Variants in RIT2 observed in about 807,000 individuals in gnomAD.
RIT2 encodes Ras like without CAAX 2.
A neutral mutation model predicts 23.7 loss-of-function variants in RIT2; 24 were observed. The observed-to-expected ratio is 1.01, with a 90% CI of 0.73 to 1.43. The LOEUF (loss-of-function observed/expected upper bound fraction) is 1.43. Ranked by LOEUF, RIT2 falls within the 40% of genes most tolerant of loss-of-function variation. The probability of loss-of-function intolerance (pLI) is 0.00; values close to 1 mark genes in which losing one functional copy is unlikely to be tolerated. For synonymous variants in RIT2, 107 were observed against 91.1 expected (o/e 1.17, Z -0.99); for missense variants, 236 against 266.9 (o/e 0.88, Z 0.81).
chr18:42,779,721 A>G (rs1159015129), intron 4 of RIT2, among the ~76,000 whole-genome samples: 3 of 152,204 alleles, frequency 2.0e-5, no homozygotes, highest in Non-Finnish European at 4.4e-5. Flanking sequence ...GAAAAAGTCA[A>G]GAGAATAGAG....
At chr18:42,846,945 T>C (rs1371615164) in intron 4 of RIT2, among the ~76,000 whole-genome samples, 3 of 152,160 alleles carry the variant, frequency 2.0e-5, no homozygotes, top group Non-Finnish European at 4.4e-5. Context: ...AACTGGAGTA[T>C]AATTTCACGG....
At chr18:43,044,122 G>A (rs566904884) in intron 1 of RIT2, among the ~76,000 whole-genome samples, 4 of 152,262 alleles carry the variant, frequency 2.6e-5, no homozygotes, top group African/African-American at 9.6e-5. Context: ...CAAGGTAAAA[G>A]GGAGGTACTA....
At chr18:42,845,655 T>C (rs1416374543) in intron 4 of RIT2, among the ~76,000 whole-genome samples, 1 of 149,534 alleles carries the variant, frequency 6.7e-6, no homozygotes, top group African/African-American at 2.4e-5. Flanking sequence ...AATAGAAATA[T>C]TACATAAATA....
chr18:42,965,425 G>A (rs537218305), intron 3 of RIT2, among the ~76,000 whole-genome samples: 14 of 152,162 alleles, frequency 9.2e-5, no homozygotes, highest in Non-Finnish European at 1.9e-4. Context: ...TGATACAACT[G>A]TACCGTAGTT....
At chr18:42,821,582 G>A (rs1267777195) in intron 4 of RIT2, among the ~76,000 whole-genome samples, 1 of 152,070 alleles carries the variant, frequency 6.6e-6, no homozygotes, top group Non-Finnish European at 1.5e-5. Flanking sequence ...CATCTAGTGA[G>A]TAGAAGGCAC....
intron 1 of RIT2, among the ~76,000 whole-genome samples, chr18:43,051,754 T>C (rs1912389451): frequency 6.6e-6 from 1 of 152,158 alleles, no homozygotes; most frequent in African/African-American, 2.4e-5. Flanking sequence ...GCTCATTAAC[T>C]CAGGAGGGAT....
intron 1 of RIT2, among the ~76,000 whole-genome samples, chr18:43,084,466 C>T (rs1321456926): frequency 6.6e-6 from 1 of 152,114 alleles, no homozygotes; most frequent in African/African-American, 2.4e-5. Context: ...TTTACAGTAG[C>T]AATGACTTGG....
chr18:42,980,303 G>A (rs1158592650), intron 2 of RIT2, among the ~76,000 whole-genome samples: 1 of 152,078 alleles, frequency 6.6e-6, no homozygotes, highest in Non-Finnish European at 1.5e-5. Flanking sequence ...CTGTAATATT[G>A]AGAATTCAGT....
chr18:42,759,725 A>G (rs1913253685), intron 4 of RIT2, among the ~76,000 whole-genome samples: 1 of 105,946 alleles, frequency 9.4e-6, no homozygotes, highest in South Asian at 3.5e-4. Flanking sequence ...ACACACACAC[A>G]CACACACACA....
chr18:42,968,414 T>C (rs1002272100), intron 3 of RIT2, among the ~76,000 whole-genome samples: 3 of 152,142 alleles, frequency 2.0e-5, no homozygotes, highest in Non-Finnish European at 4.4e-5. Context: ...TTTGCAGTAA[T>C]GTTAATAATA....
intron 1 of RIT2, among the ~76,000 whole-genome samples, chr18:43,097,638 C>T (rs1386545166): frequency 6.6e-6 from 1 of 151,870 alleles, no homozygotes; most frequent in Non-Finnish European, 1.5e-5. Context: ...TATAAGAAAA[C>T]AATAACTCCC....
chr18:43,083,996 T>A (rs1568077203), intron 1 of RIT2, among the ~76,000 whole-genome samples: 1 of 151,962 alleles, frequency 6.6e-6, no homozygotes, highest in Non-Finnish European at 1.5e-5. Flanking sequence ...CTGACAAAGA[T>A]CTAATATCCA....
intron 4 of RIT2, among the ~76,000 whole-genome samples, chr18:42,892,935 A>G (rs754962447): frequency 2.0e-5 from 3 of 152,048 alleles, no homozygotes; most frequent in Admixed American, 2.0e-4. Context: ...TATTACCTCA[A>G]CCTCTATCCA....
At chr18:43,077,705 T>TA in intron 1 of RIT2, among the ~76,000 whole-genome samples, 1 of 152,310 alleles carries the variant, frequency 6.6e-6, no homozygotes, top group Non-Finnish European at 1.5e-5. Context: ...GCCCATCACT[T>TA]ACCTGACAGC....
chr18:42,784,944 T>C (rs187902406), intron 4 of RIT2, among the ~76,000 whole-genome samples: 7 of 152,216 alleles, frequency 4.6e-5, no homozygotes, highest in African/African-American at 1.7e-4. Flanking sequence ...ACAAGTTCCA[T>C]ATAAAAAGAT....
intron 4 of RIT2, among the ~76,000 whole-genome samples, chr18:42,792,707 A>T (rs1297838385): frequency 6.6e-6 from 1 of 151,992 alleles, no homozygotes; most frequent in Non-Finnish European, 1.5e-5. Flanking sequence ...GTCAAGCAAG[A>T]CCCCATTTCT....
At chr18:42,891,260 A>G (rs1260386918) in intron 4 of RIT2, among the ~76,000 whole-genome samples, 3 of 152,168 alleles carry the variant, frequency 2.0e-5, no homozygotes, top group South Asian at 4.1e-4. Flanking sequence ...AAAAATAGCA[A>G]CTTGAAGGTA....
At chr18:42,918,316 T>C (rs1908965595) in intron 4 of RIT2, among the ~76,000 whole-genome samples, 1 of 152,168 alleles carries the variant, frequency 6.6e-6, no homozygotes, top group African/African-American at 2.4e-5. Flanking sequence ...GTGAAACTCT[T>C]AAGCTTTGTT....
At chr18:42,971,070 A>T (rs1320693965) in intron 3 of RIT2, among the ~76,000 whole-genome samples, 1 of 151,968 alleles carries the variant, frequency 6.6e-6, no homozygotes, top group Admixed American at 6.6e-5. Context: ...CTCAAATTCT[A>T]GGTGATGACA....
Sources: gnomAD v4.1 joint callset for allele counts (sites outside exome capture counted in the v4.1 genomes callset) on GRCh38, gnomAD v4.1.1 for gene constraint, MANE v1.5 for transcripts, NCBI Gene and HGNC (gene_info 2026-07-23, HGNC 2026-07-21) for gene names.